The following SAMSN1 variants were observed in gnomAD, a reference collection of about 807,000 sequenced individuals.
SAMSN1 encodes SAM domain, SH3 domain and nuclear localization signals 1.
A neutral mutation model predicts 42.0 loss-of-function variants in SAMSN1; 31 were observed. The observed-to-expected ratio is 0.74, with a 90% CI of 0.55 to 1.00. The LOEUF is 1.00. SAMSN1 is among the 50% of genes least tolerant of loss of function. The pLI is 0.00. For missense variants in SAMSN1, 464 were observed against 439.4 expected, an observed-to-expected ratio of 1.06 and a Z score of -0.50; for synonymous variants, 178 against 151.9, an observed-to-expected ratio of 1.17 and a Z score of -1.26.
At chr21:14,631,858 A>C (rs1256460219) in intron 2 of SAMSN1, among the ~76,000 whole-genome samples, 1 of 152,240 alleles carries the variant, frequency 6.6e-6, no homozygotes, top group African/African-American at 2.4e-5. Context: ...TTTCTTGCTG[A>C]AGTGGACATC....
intron 4 of SAMSN1, chr21:14,612,695 G>T (rs1459243913): frequency 1.5e-6 from 1 of 652,674 alleles, no homozygotes; most frequent in Non-Finnish European, 2.9e-6. Flanking sequence ...TGATTTCTTT[G>T]TCATAGCCAT....
chr21:14,568,052 G>A (rs1402094729), intron 2 of SAMSN1, among the ~76,000 whole-genome samples: 1 of 152,090 alleles, frequency 6.6e-6, no homozygotes, highest in Non-Finnish European at 1.5e-5. Context: ...TTGAAATGAT[G>A]TCCATTCTAG....
At chr21:14,514,328 G>C (rs1987814175) in intron 3 of SAMSN1, among the ~76,000 whole-genome samples, 1 of 151,914 alleles carries the variant, frequency 6.6e-6, no homozygotes, top group South Asian at 2.1e-4. Context: ...TCTTTTTCTT[G>C]GGATCTAGAA....
At chr21:14,525,988 C>T (rs550232121) in intron 1 of SAMSN1, among the ~76,000 whole-genome samples, 1 of 152,214 alleles carries the variant, frequency 6.6e-6, no homozygotes, top group Middle Eastern at 3.4e-3. Flanking sequence ...CCTCAGCCCC[C>T]CCGAGTAGCT....
chr21:14,632,678 G>A (rs543629025), intron 2 of SAMSN1, among the ~76,000 whole-genome samples: 9 of 152,050 alleles, frequency 5.9e-5, no homozygotes, highest in Non-Finnish European at 8.8e-5. Flanking sequence ...TAAGAATATG[G>A]GCCTGACTTA....
upstream of SAMSN1, chr21:14,546,474 A>G (rs1600922208): frequency 3.2e-6 from 2 of 622,578 alleles, no homozygotes; most frequent in East Asian, 6.9e-5. Flanking sequence ...TTGTCTTGCT[A>G]TTTTCTATGA....
chr21:14,546,652 G>T, upstream of SAMSN1, among the ~76,000 whole-genome samples: 1 of 136,998 alleles, frequency 7.3e-6, no homozygotes, highest in African/African-American at 2.8e-5. Flanking sequence ...AACTTGAGAT[G>T]TTGGTTTTCT....
At chr21:14,591,564 A>T (rs1434176134) in intron 7 of SAMSN1, 1 of 152,204 alleles carries the variant, frequency 6.6e-6, no homozygotes. Flanking sequence ...CAGGCCAAAA[A>T]TACATCTGGA....
At chr21:14,551,541 A>G (rs186445257) in intron 2 of SAMSN1, among the ~76,000 whole-genome samples, 21 of 152,206 alleles carry the variant, frequency 1.4e-4, no homozygotes, top group Admixed American at 1.3e-3. Flanking sequence ...TCAATAAATT[A>G]TAAGTATTTC....
chr21:14,540,946 C>T (rs1489779450), intron 1 of SAMSN1, among the ~76,000 whole-genome samples: 1 of 152,170 alleles, frequency 6.6e-6, no homozygotes, highest in Non-Finnish European at 1.5e-5. Context: ...GAATACCATG[C>T]AGCCATAAAA....
At chr21:14,527,054 A>G (rs910556578) in intron 1 of SAMSN1, among the ~76,000 whole-genome samples, 6 of 152,360 alleles carry the variant, frequency 3.9e-5, no homozygotes, top group African/African-American at 1.4e-4. Flanking sequence ...TGTGAGGCAC[A>G]CATCTGCAGT....
chr21:14,577,271 TA>T lies in SAMSN1; in HGVS notation c.261+4864del, dbSNP rs1568816152. ...ATATATATATATATATATATATATA[TA>T]TATATATATATATTTTTTTTTTAGA... On this transcript the variant is annotated intron_variant, in intron 2 of 8. Transcript: ENST00000285670. 2.1e-3 allele frequency among the ~76,000 whole-genome samples: 113 copies of T among 52,948 alleles called. 14 individuals carry two copies. Among genetic ancestry groups the T allele is most frequent in the Admixed American group, 0.014 (87 of 6,340 alleles). The allele number at this position is 52,948 out of a possible 152,430, so 34.7% of individuals were successfully genotyped here.
chr21:14,503,267 T>G (rs1275596978), intron 5 of SAMSN1, among the ~76,000 whole-genome samples: 2 of 152,180 alleles, frequency 1.3e-5, no homozygotes, highest in African/African-American at 2.4e-5. Context: ...AGTGAGCTTT[T>G]TCCTGTTCAT....
chr21:14,546,679 A>C (rs1412733230), upstream of SAMSN1, among the ~76,000 whole-genome samples: 1 of 151,976 alleles, frequency 6.6e-6, no homozygotes, highest in Non-Finnish European at 1.5e-5. Context: ...TAAAAAAAAA[A>C]AAAAGAATAC....
At chr21:14,528,091 A>G (rs1283616277) in intron 1 of SAMSN1, among the ~76,000 whole-genome samples, 1 of 152,204 alleles carries the variant, frequency 6.6e-6, no homozygotes, top group African/African-American at 2.4e-5. Flanking sequence ...AAGAATTGGT[A>G]TAATCAATTC....
chr21:14,590,010 T>C (rs6516899), intron 7 of SAMSN1, among the ~76,000 whole-genome samples: 43,594 of 152,096 alleles, frequency 0.29, 7,090 homozygotes, highest in African/African-American at 0.45. Context: ...TAGTTTCATA[T>C]GTATCACATT....
intron 7 of SAMSN1, among the ~76,000 whole-genome samples, chr21:14,494,623 G>C (rs1270484211): frequency 6.6e-6 from 1 of 151,690 alleles, no homozygotes; most frequent in East Asian, 1.9e-4. Context: ...GGGTTGATGG[G>C]TGCAGCAAAC....
intron 6 of SAMSN1, among the ~76,000 whole-genome samples, chr21:14,596,600 C>G (rs1376420839): frequency 6.6e-6 from 1 of 152,176 alleles, no homozygotes; most frequent in Non-Finnish European, 1.5e-5. Flanking sequence ...GTGGCCTCTT[C>G]TTGTTCTGTG....
At chr21:14,599,495 T>C (rs1378868055) in intron 6 of SAMSN1, among the ~76,000 whole-genome samples, 1 of 152,140 alleles carries the variant, frequency 6.6e-6, no homozygotes, top group Non-Finnish European at 1.5e-5. Context: ...ATAAATTACT[T>C]AGCCTCGGGT....
Sources: gnomAD v4.1 joint callset for allele counts (sites outside exome capture counted in the v4.1 genomes callset) on GRCh38, gnomAD v4.1.1 for gene constraint, MANE v1.5 for transcripts, NCBI Gene and HGNC (gene_info 2026-07-23, HGNC 2026-07-21) for gene names.